Variants in DTNA observed in about 807,000 individuals in gnomAD.
The protein encoded by DTNA is dystrobrevin alpha.
Under a neutral mutation model 100.7 loss-of-function variants are expected in DTNA, and 43 were observed. The observed-to-expected ratio is 0.43, with a 90% CI of 0.33 to 0.55. The LOEUF (loss-of-function observed/expected upper bound fraction) is 0.55, where lower values mean the gene tolerates loss of function less well. Among genes scored for constraint, DTNA ranks in the 20% least tolerant of loss-of-function variants. DTNA has a pLI of 0.04. For missense variants in DTNA, 798 were observed against 953.9 expected (o/e 0.84, Z 2.15); for synonymous variants, 349 against 347.9 (o/e 1.00, Z -0.04).
At chr18:34,868,654 C>T in intron 17 of DTNA, 1 of 985,344 alleles carries the variant, frequency 1.0e-6, no homozygotes, top group Non-Finnish European at 1.2e-6. Context: ...TTTTATTATA[C>T]TGGCATATAT....
intron 1 of DTNA, among the ~76,000 whole-genome samples, chr18:34,640,283 C>G (rs1169563934): frequency 6.6e-6 from 1 of 152,208 alleles, no homozygotes; most frequent in African/African-American, 2.4e-5. Flanking sequence ...TGTCCCTCCT[C>G]TGAGTTCTGT....
rs111661087 is a variant in DTNA, at chr18:34,586,460, T to TA, written c.-2+92947dup. On this transcript the variant is annotated intron_variant, in intron 1 of 19. Transcript: ENST00000283365. ...CTCCCCTCTCACCTTCCCACCCTGT[T>TA]ATGAAGCAGCATGAGTTCCTCACCA... Among the ~76,000 whole-genome samples the TA allele has an allele frequency of 2.5e-3, 387 of 152,204 alleles. 4 individuals are homozygous for TA. The highest frequency in any genetic ancestry group is 8.7e-3 in the African/African-American group (360 of 41,522).
intron 15 of DTNA, among the ~76,000 whole-genome samples, chr18:34,852,856 A>G (rs2096497940): frequency 6.6e-6 from 1 of 152,190 alleles, no homozygotes; most frequent in South Asian, 2.1e-4. Flanking sequence ...CCTAGCCCAG[A>G]AACTAGTCTC....
chr18:34,770,421 A>C (rs1013924346), intron 3 of DTNA, among the ~76,000 whole-genome samples: 1 of 152,166 alleles, frequency 6.6e-6, no homozygotes, highest in East Asian at 1.9e-4. Flanking sequence ...TTTTTTATCT[A>C]TTATCTAAAT....
At chr18:34,605,411 A>T (rs2052839881) in intron 1 of DTNA, among the ~76,000 whole-genome samples, 1 of 152,224 alleles carries the variant, frequency 6.6e-6, no homozygotes, top group African/African-American at 2.4e-5. Context: ...AACAAAACAA[A>T]GTCCCTCCAC....
At chr18:34,689,859 T>G (rs2079487892) in intron 1 of DTNA, among the ~76,000 whole-genome samples, 1 of 152,166 alleles carries the variant, frequency 6.6e-6, no homozygotes, top group African/African-American at 2.4e-5. Context: ...AGGATGAATC[T>G]AGAGAGGCAG....
chr18:34,591,446 G>A (rs941405138), intron 1 of DTNA, among the ~76,000 whole-genome samples: 2 of 152,172 alleles, frequency 1.3e-5, no homozygotes, highest in Admixed American at 1.3e-4. Flanking sequence ...TTGAGTATCA[G>A]TTATGTGCTA....
intron 1 of DTNA, among the ~76,000 whole-genome samples, chr18:34,639,056 G>T (rs2058969435): frequency 6.6e-6 from 1 of 152,162 alleles, no homozygotes; most frequent in African/African-American, 2.4e-5. Flanking sequence ...GGTCAGGCTG[G>T]TCTCGAACTC....
chr18:34,603,740 A>G (rs1165313693), intron 1 of DTNA, among the ~76,000 whole-genome samples: 1 of 152,184 alleles, frequency 6.6e-6, no homozygotes, highest in Non-Finnish European at 1.5e-5. Context: ...TAAAACTGTT[A>G]TTTCATTTTA....
At chr18:34,501,481 G>C (rs2039916224) in intron 1 of DTNA, among the ~76,000 whole-genome samples, 2 of 152,166 alleles carry the variant, frequency 1.3e-5, no homozygotes, top group African/African-American at 4.8e-5. Flanking sequence ...TTTATAAAAT[G>C]AATAGGGATG....
At position 34,746,834 on chromosome 18, in the gene DTNA, G is replaced by T. The variant is rs183472481; in HGVS notation, c.-1-9142G>T. ...TCTGCAGTCTTTCCTCATAGTAAGG[G>T]GGAGGTGTGGTGTGATACCAGCTGC... On this transcript the variant is annotated intron_variant, in intron 1 of 22. Coordinates refer to ENST00000444659, the MANE Select transcript of DTNA (RefSeq NM_001386795.1). 2.0e-5 allele frequency among the ~76,000 whole-genome samples: 3 copies of T among 152,234 alleles called. No homozygotes were observed. The East Asian group carries it at 5.8e-4, about 29-fold the overall frequency.
intron 1 of DTNA, among the ~76,000 whole-genome samples, chr18:34,638,080 A>G (rs1447688802): frequency 2.0e-5 from 3 of 152,222 alleles, no homozygotes; most frequent in African/African-American, 4.8e-5. Flanking sequence ...TCCTTTAGCT[A>G]GAAATTAAAT....
Position 34,597,576 on chromosome 18 carries a change from A to G in DTNA, c.-2+104062A>G, listed in dbSNP as rs16965609. On this transcript the variant is annotated intron_variant, in intron 1 of 19. Transcript: ENST00000283365. ...CCTACTTAAAAATCTTTAGTGATTCATGACTCCCTTCAAAATAAAGCTTAG... is the reference window on the plus strand; with the variant it reads ...CCTACTTAAAAATCTTTAGTGATTCGTGACTCCCTTCAAAATAAAGCTTAG... 7.2e-3 allele frequency among the ~76,000 whole-genome samples: 1,094 copies of G among 152,336 alleles called. 14 individuals carry two copies. Among genetic ancestry groups the G allele is most frequent in the African/African-American group, 0.025 (1,040 of 41,568 alleles).
chr18:34,654,059 G>C (rs988248772), intron 1 of DTNA, among the ~76,000 whole-genome samples: 2 of 152,202 alleles, frequency 1.3e-5, no homozygotes, highest in Admixed American at 1.3e-4. Context: ...GCTTGGGACA[G>C]GGATGACTCC....
chr18:34,704,361 C>T (rs1387168237), intron 1 of DTNA, among the ~76,000 whole-genome samples: 3 of 152,218 alleles, frequency 2.0e-5, no homozygotes, highest in Non-Finnish European at 2.9e-5. Context: ...TCAGGCATTT[C>T]TCCATAGAGC....
chr18:34,867,618 C>G (rs2096720021), intron 17 of DTNA: 2 of 1,004,572 alleles, frequency 2.0e-6, no homozygotes, highest in South Asian at 4.7e-5. Flanking sequence ...CCTCCCTCCT[C>G]CTAGCAGAGA....
rs957688688 is a variant in DTNA at position 34,536,590 on chromosome 18, C to G, written c.-2+43076C>G. Among the ~76,000 whole-genome samples, 3 of 151,824 alleles carry G rather than the reference C, an allele frequency of 2.0e-5. No homozygotes were observed. In the South Asian group the frequency reaches 6.2e-4, roughly 32 times the overall value. ...TTGTCCTATTGAGTTATTTTTCTGT[C>G]AGTTTGATATTAGTTTTACTATAAT... On this transcript the variant is annotated intron_variant, in intron 1 of 19. Transcript: ENST00000283365.
At chr18:34,672,879 C>T (rs1458756994) in intron 1 of DTNA, among the ~76,000 whole-genome samples, 1 of 151,646 alleles carries the variant, frequency 6.6e-6, no homozygotes, top group East Asian at 1.9e-4. Flanking sequence ...ATAGGGATTT[C>T]CTGTGGGGTG....
At chr18:34,700,303 A>G (rs1324957295) in intron 1 of DTNA, among the ~76,000 whole-genome samples, 1 of 152,180 alleles carries the variant, frequency 6.6e-6, no homozygotes, top group East Asian at 1.9e-4. Context: ...GGTTACCTTC[A>G]GGAAATTAAC....
Sources: allele counts gnomAD v4.1 joint callset (sites outside exome capture counted in the v4.1 genomes callset), GRCh38; gene constraint gnomAD v4.1.1; transcripts MANE v1.5; gene names NCBI Gene and HGNC (gene_info 2026-07-23, HGNC 2026-07-21).